Variants in DDX31 observed in about 807,000 individuals in gnomAD.
DDX31 encodes DEAD-box helicase 31, also known as ATP-dependent DNA helicase DDX31.
DDX31 carries 70 observed loss-of-function variants against 91.3 expected under a neutral mutation model. That is an observed-to-expected ratio of 0.77 (90% CI 0.63 to 0.94). DDX31 has a LOEUF of 0.94. Among genes scored for constraint, DDX31 ranks in the 40% least tolerant of loss-of-function variants. DDX31 has a pLI of 0.00. For missense variants in DDX31, 902 were observed against 925.0 expected (o/e 0.98, Z 0.32); for synonymous variants, 362 against 350.6 (o/e 1.03, Z -0.36).
intron 16 of DDX31, among the ~76,000 whole-genome samples, chr9:132,627,394 C>T (rs1832461773): frequency 1.3e-5 from 2 of 152,140 alleles, no homozygotes; most frequent in African/African-American, 4.8e-5. Flanking sequence ...TCTTCCTCTT[C>T]CTAAGAAACT....
intron 13 of DDX31, among the ~76,000 whole-genome samples, chr9:132,645,318 G>C (rs1833755376): frequency 6.6e-6 from 1 of 152,128 alleles, no homozygotes; most frequent in Non-Finnish European, 1.5e-5. Flanking sequence ...TCTTCTTCCT[G>C]AACAGAAATC....
At chr9:132,627,409 C>T (rs1008859436) in intron 16 of DDX31, among the ~76,000 whole-genome samples, 1 of 152,148 alleles carries the variant, frequency 6.6e-6, no homozygotes, top group African/African-American at 2.4e-5. Flanking sequence ...GAAACTGCTG[C>T]TTCTGAGGAA....
Position 132,612,112 on chromosome 9 carries a change from T to C in DDX31, c.1969A>G (p.Lys657Glu), listed in dbSNP as rs1831375209. Residue 657 changes from lysine to glutamate, a missense_variant, in exon 19 of 20, where the codon AAG (lysine) becomes GAG (glutamate). Transcript: ENST00000372159. ...APRNLSALTR[K>E]KRKAHVKRPD... ...CTTTTCACGTGTGCTTTCCTCTTCT[T>C]TCTAGTCAAGGCACTAAGATTCCTG... 1 of 1,614,032 alleles carries C rather than the reference T, an allele frequency of 6.2e-7. No homozygotes were observed. Among genetic ancestry groups the C allele is most frequent in the East Asian group, 2.2e-5 (1 of 44,878 alleles).
chr9:132,654,945 C>CAAAAAAAAAAA, intron 6 of DDX31, among the ~76,000 whole-genome samples: 1 of 90,230 alleles, frequency 1.1e-5, no homozygotes, highest in African/African-American at 4.4e-5. Context: ...GACTCTGTCT[C>CAAAAAAAAAAA]AAAAAAAAAA....
chr9:132,638,402 G>A (rs749870785), intron 14 of DDX31: 1 of 1,614,064 alleles, frequency 6.2e-7, no homozygotes, highest in Non-Finnish European at 8.5e-7. Flanking sequence ...AGATAATCCA[G>A]TGTCTGATAT....
chr9:132,657,836 G>C (rs1458892087), intron 6 of DDX31, among the ~76,000 whole-genome samples: 1 of 152,100 alleles, frequency 6.6e-6, no homozygotes, highest in Admixed American at 6.5e-5. Context: ...ACTCAACCCA[G>C]GCACTAACTT....
Position 132,612,272 on chromosome 9 carries a change from C to T in DDX31, c.1826-17G>A, listed in dbSNP as rs572017150. ...ACTGCAGAGCTGAAAGAAAAGAGAG[C>T]GGGGAGGGAAGCTGTCAGGACCGGG... On this transcript the variant is annotated splice_polypyrimidine_tract_variant and intron_variant, in intron 18 of 19. Transcript: ENST00000372159. The T allele has an allele frequency of 8.1e-6, 13 of 1,613,846 alleles. No homozygotes were observed. The highest frequency in any genetic ancestry group is 6.7e-5 in the East Asian group (3 of 44,880).
chr9:132,598,285 G>A (rs560527975), intron 19 of DDX31, among the ~76,000 whole-genome samples: 1 of 152,248 alleles, frequency 6.6e-6, no homozygotes, highest in South Asian at 2.1e-4. Flanking sequence ...GCATGCGATG[G>A]GCACTCAATT....
In DDX31 at chr9:132,595,838, A is replaced by C. The variant is rs1830411858; in HGVS notation, c.1995-726T>G. ...CAGAAAATGCCAAAGGTTGAAAATC[A>C]ATTTCCGATGTCGAATCCTGATAAC... On this transcript the variant is annotated intron_variant, in intron 19 of 19. Transcript: ENST00000372159. The surrounding 1 kb of genome is among the most constrained non-coding windows in gnomAD (Gnocchi z 4.6). Among the ~76,000 whole-genome samples the C allele has an allele frequency of 6.6e-6, 1 of 152,204 alleles. No homozygotes were observed. Among genetic ancestry groups the C allele is most frequent in the Non-Finnish European group, 1.5e-5 (1 of 68,042 alleles).
Position 132,652,359 on chromosome 9 carries a change from G to T in DDX31, c.633+89C>A, listed in dbSNP as rs551638964. 32 of 1,488,330 alleles carry T rather than the reference G, an allele frequency of 2.2e-5. No individual in the cohort carries two copies. The East Asian group carries it at 4.7e-4, about 22-fold the overall frequency. The allele number at this position is 1,488,330 out of a possible 1,614,324, so 92.2% of individuals were successfully genotyped here. A position where few individuals can be genotyped will look rare whatever the true frequency, so the allele number is the denominator to read the frequency against. On this transcript the variant is annotated intron_variant, in intron 7 of 19. Coordinates refer to ENST00000372159, the MANE Select transcript of DDX31 (RefSeq NM_022779.9). ...TGGTGTGCAGTGGCTTGTGCAGTAG[G>T]GAGAAACATGGTAAAACCACTTTTA...
chr9:132,668,297 T>C (rs1176052333), intron 1 of DDX31, among the ~76,000 whole-genome samples: 1 of 152,176 alleles, frequency 6.6e-6, no homozygotes, highest in Non-Finnish European at 1.5e-5. Flanking sequence ...TACCCCTCTC[T>C]AGCAATGGGA....
intron 19 of DDX31, among the ~76,000 whole-genome samples, chr9:132,597,705 A>G (rs1435390788): frequency 6.6e-6 from 1 of 152,060 alleles, no homozygotes; most frequent in Non-Finnish European, 1.5e-5. Context: ...CCAGGCTGCC[A>G]TCCACCCAAC....
intron 18 of DDX31, among the ~76,000 whole-genome samples, chr9:132,614,416 A>C (rs1831517549): frequency 6.6e-6 from 1 of 151,748 alleles, no homozygotes; most frequent in Non-Finnish European, 1.5e-5. Context: ...CCTCAGAGGG[A>C]AAGGCTCTAC....
chr9:132,669,152 A>G (rs1835527726), intron 1 of DDX31, among the ~76,000 whole-genome samples: 1 of 152,098 alleles, frequency 6.6e-6, no homozygotes, highest in South Asian at 2.1e-4. Flanking sequence ...AGATCTTTGA[A>G]AGGTGGTAGA....
intron 13 of DDX31, among the ~76,000 whole-genome samples, chr9:132,644,370 T>C (rs1833685827): frequency 6.6e-6 from 1 of 152,238 alleles, no homozygotes; most frequent in Non-Finnish European, 1.5e-5. Context: ...CGGAGGGCTT[T>C]GTCTGCATTA....
chr9:132,648,629 AT>A lies in DDX31; in HGVS notation c.741-79del. The A allele has an allele frequency of 2.7e-6, 4 of 1,508,550 alleles. No individual in the cohort carries two copies. The South Asian group carries it at 4.0e-5, about 15-fold the overall frequency. 93.4% of individuals were successfully genotyped at this position (1,508,550 alleles called of 1,614,324 possible). Reference sequence around the variant, plus strand: ...GTAGAAAACACAGGAAAAAGGCAAAATAGACAGACTCATTTCATGTACAGTG... The same window carrying A: ...GTAGAAAACACAGGAAAAAGGCAAAAAGACAGACTCATTTCATGTACAGTG... On this transcript the variant is annotated intron_variant, in intron 9 of 19. Transcript: ENST00000372159.
Position 132,658,672 on chromosome 9 carries a change from T to C in DDX31, c.587A>G (p.Gln196Arg), listed in dbSNP as rs1368996502. The C allele has an allele frequency of 6.2e-7, 1 of 1,613,666 alleles. No homozygotes were observed. The highest frequency in any genetic ancestry group is 1.7e-5 in the Admixed American group (1 of 59,990). The change falls in exon 6 of 20, where the codon CAG becomes CGG. Residue 196 changes from glutamine to arginine, a missense_variant and splice_region_variant. Coordinates refer to ENST00000372159, the MANE Select transcript of DDX31 (RefSeq NM_022779.9). Reference protein sequence around the residue: ...QSLQAMESKIQRSDGPYALVL... With the variant: ...QSLQAMESKIRRSDGPYALVL... Reference sequence around the variant, plus strand: ...CAGAAAAACACATTTGATACACACCTGTATTTTTGACTCCATTGCTTGAAG... The same window carrying C: ...CAGAAAAACACATTTGATACACACCCGTATTTTTGACTCCATTGCTTGAAG...
Position 132,669,868 on chromosome 9 carries a change from C to A in DDX31, c.67G>T (p.Ala23Ser). 1.3e-6 allele frequency: 2 copies of A among 1,588,858 alleles called. No individual in the cohort carries two copies. The highest frequency in any genetic ancestry group is 8.6e-7 in the Non-Finnish European group (1 of 1,169,010). The change falls in exon 1 of 20, where the codon GCG (alanine) becomes TCG (serine). Residue 23 changes from alanine to serine, a missense_variant. Transcript: ENST00000372159. ...GCCGGGTCAGAACTCACCCGACTCG[C>A]CTGGGCTGGGGGACGTCTGGAGAAC... The part of the protein sequence containing the change: ...RTFSRRPPAQ[A>S]SRQAKATKRK...
At chr9:132,649,495 C>T (rs1353376445) in intron 9 of DDX31, among the ~76,000 whole-genome samples, 11 of 152,264 alleles carry the variant, frequency 7.2e-5, no homozygotes, top group Non-Finnish European at 1.6e-4. Flanking sequence ...GCTTGGTCCC[C>T]GACACTGGAG....
Sources: gnomAD v4.1 joint callset for allele counts (sites outside exome capture counted in the v4.1 genomes callset) on GRCh38, gnomAD v4.1.1 for gene constraint, Gnocchi (gnomAD v3.1) non-coding constraint, MANE v1.5 for transcripts, NCBI Gene and HGNC (gene_info 2026-07-23, HGNC 2026-07-21) for gene names.